Variants in DCST1 observed in about 807,000 individuals in gnomAD.
DCST1 encodes the protein E3 ubiquitin-protein ligase DCST1.
DCST1 carries 78 observed loss-of-function variants against 89.1 expected under a neutral mutation model. The ratio of observed to expected loss-of-function variants is 0.88; its 90% confidence interval spans 0.73 to 1.06. The LOEUF is 1.06. Among genes scored for constraint, DCST1 ranks in the 50% least tolerant of loss-of-function variants. The pLI is 0.00. For missense variants in DCST1, 900 were observed against 928.6 expected (o/e 0.97, Z 0.40); for synonymous variants, 364 against 371.9 (o/e 0.98, Z 0.24).
At position 155,041,743 on chromosome 1, in the gene DCST1, C is replaced by T. The variant is rs1298065970; in HGVS notation, c.778C>T (p.Arg260Cys). Reference sequence around the variant, plus strand: ...GGTGAACCAGGCCATACTCAGCTGCCGTCGTTGGTTTGACCGCAAGCATGA... The same window carrying T: ...GGTGAACCAGGCCATACTCAGCTGCTGTCGTTGGTTTGACCGCAAGCATGA... ...YVVNQAILSCRRWFDRKHEQC... is the reference protein window; with the variant it reads ...YVVNQAILSCCRWFDRKHEQC... Residue 260 changes from arginine (R) to cysteine (C), a missense_variant, in exon 8 of 17, where the codon CGT becomes TGT. Arg to Cys is a radical substitution (Grantham distance 180). Coordinates refer to ENST00000295542, the MANE Select transcript of DCST1 (RefSeq NM_152494.4). 6 of 1,614,106 alleles carry T rather than the reference C, an allele frequency of 3.7e-6. No homozygotes were observed. Among genetic ancestry groups the T allele is most frequent in the African/African-American group, 1.3e-5 (1 of 74,920 alleles).
At chr1:155,034,832 A>T in intron 4 of DCST1, 105 bp downstream of exon 4, 1 of 1,230,016 alleles carries the variant, frequency 8.1e-7, no homozygotes. Flanking sequence ...GTACCCATAC[A>T]TCCCCTGTGG....
At position 155,046,205 on chromosome 1, in the gene DCST1, A is replaced by G; in HGVS notation, c.1353A>G (p.Ser451=). Reference sequence around the variant, plus strand: ...CTTGCAAGCCCACCATCCAGGCCTCAGAAATGAGCAATGTGGTGAGGACAG... The same window carrying G: ...CTTGCAAGCCCACCATCCAGGCCTCGGAAATGAGCAATGTGGTGAGGACAG... ...IFPCKPTIQA[S]EMSNVVRELL... Residue 451 remains serine, a synonymous_variant, in exon 12 of 17, where the codon TCA becomes TCG. Transcript: ENST00000295542. The G allele has an allele frequency of 6.2e-7, 1 of 1,614,258 alleles. No individual in the cohort carries two copies. The highest frequency in any genetic ancestry group is 8.5e-7 in the Non-Finnish European group (1 of 1,180,048).
chr1:155,047,047 G>T, intron 13 of DCST1, 149 bp from the exon 14 acceptor site: 1 of 737,256 alleles, frequency 1.4e-6, no homozygotes, highest in East Asian at 2.6e-5. Context: ...ACTGGGAGCA[G>T]GGAGGGGTTA....
At chr1:155,036,311 T>C (rs1473932064) in intron 4 of DCST1, among the ~76,000 whole-genome samples, 3 of 152,222 alleles carry the variant, frequency 2.0e-5, no homozygotes, top group Non-Finnish European at 4.4e-5. Flanking sequence ...AAACATGTTT[T>C]TTCCCATTGA....
chr1:155,034,761 C>T (rs371187838), intron 4 of DCST1, 34 bp downstream of exon 4: 21 of 1,611,264 alleles, frequency 1.3e-5, no homozygotes, highest in African/African-American at 4.0e-5. Flanking sequence ...AACACTCAAG[C>T]GGCCTGTGGA....
Position 155,041,427 on chromosome 1 carries a change from C to T in DCST1, c.562C>T (p.Arg188Trp), listed in dbSNP as rs142945325. The T allele has an allele frequency of 1.7e-4, 282 of 1,613,716 alleles. No homozygotes were observed. Among genetic ancestry groups the T allele is most frequent in the Admixed American group, 3.5e-4 (21 of 60,008 alleles). The change falls in exon 7 of 17, where the codon CGG becomes TGG. Residue 188 changes from arginine (R) to tryptophan (W), a missense_variant. Transcript: ENST00000295542. ...CAAAGAATTGCTGAGAGCAGAGACT[C>T]GGAACATCTCCGCCACTTTTGAGGA... ...SSKELLRAET[R>W]NISATFEDLD... is the part of the protein sequence containing the mutation.
At position 155,043,732 on chromosome 1, in the gene DCST1, C is replaced by A. The variant is rs556265732; in HGVS notation, c.1172+223C>A. 3.5e-4 allele frequency among the ~76,000 whole-genome samples: 54 copies of A among 152,340 alleles called. 1 individual carries two copies. In the South Asian group the frequency reaches 6.8e-3, roughly 19 times the overall value. On this transcript the variant is annotated intron_variant, in intron 10 of 16. Coordinates refer to ENST00000295542, the MANE Select transcript of DCST1 (RefSeq NM_152494.4). ...CCTTAAAAGGCCAACCGTCTTCATT[C>A]ATCCACCTCCTTCCAGCCTTTATCC...
chr1:155,034,616 C>G lies in DCST1; in HGVS notation c.188-37C>G, dbSNP rs763901932. 4 of 1,614,040 alleles carry G rather than the reference C, an allele frequency of 2.5e-6. No individual in the cohort carries two copies. In the South Asian group the frequency reaches 4.4e-5, roughly 18 times the overall value. ...GCAGAGGCTGGACCAGGGCTAGGAC[C>G]CATCTTTTGGCCTTTGGCTTGACCT... On this transcript the variant is annotated intron_variant, in intron 3 of 16. Transcript: ENST00000295542.
chr1:155,039,768 G>T (rs1021806374), intron 5 of DCST1, among the ~76,000 whole-genome samples: 6 of 151,928 alleles, frequency 3.9e-5, no homozygotes, highest in African/African-American at 1.5e-4. Flanking sequence ...GGAGGCTGAG[G>T]TGGGTGGATC....
At chr1:155,047,363 G>A (rs1282308164) in intron 14 of DCST1, 51 bp downstream of exon 14, 5 of 1,514,628 alleles carry the variant, frequency 3.3e-6, no homozygotes, top group Non-Finnish European at 4.5e-6. Flanking sequence ...GGTGGGGCAA[G>A]GGTCAAAAGA....
chr1:155,037,684 G>A (rs1263076868), intron 4 of DCST1, among the ~76,000 whole-genome samples: 1 of 152,198 alleles, frequency 6.6e-6, no homozygotes, highest in Non-Finnish European at 1.5e-5. Flanking sequence ...TGATCCACCC[G>A]CCTTGGCCTC....
chr1:155,034,442 G>A lies in DCST1; in HGVS notation c.69G>A (p.Gln23=). ...QRRKQPHTTV[Q]RLLTWGLPVS... ...ACCCTGTCCCCCTCTTAGCGGTGCAGAGGCTCCTGACCTGGGGGCTGCCAG... is the reference window on the plus strand; with the variant it reads ...ACCCTGTCCCCCTCTTAGCGGTGCAAAGGCTCCTGACCTGGGGGCTGCCAG... Residue 23 remains glutamine, a synonymous_variant, in exon 3 of 17, where the codon CAG becomes CAA. Transcript: ENST00000295542. 1 of 1,614,060 alleles carries A rather than the reference G, an allele frequency of 6.2e-7. No individual in the cohort carries two copies. Among genetic ancestry groups the A allele is most frequent in the Non-Finnish European group, 8.5e-7 (1 of 1,180,036 alleles).
At position 155,041,620 on chromosome 1, in the gene DCST1, G is replaced by C. The variant is rs1660443269; in HGVS notation, c.748+7G>C. 1 of 1,614,014 alleles carries C rather than the reference G, an allele frequency of 6.2e-7. No individual in the cohort carries two copies. The highest frequency in any genetic ancestry group is 8.5e-7 in the Non-Finnish European group (1 of 1,180,012). Reference sequence around the variant, plus strand: ...ACCAAGCTGCGTTGCTCCTGTGAGGGGTATCCCTGGGGAGTGGAGGGTGGG... The same window carrying C: ...ACCAAGCTGCGTTGCTCCTGTGAGGCGTATCCCTGGGGAGTGGAGGGTGGG... On this transcript the variant is annotated splice_region_variant and intron_variant, in intron 7 of 16. Transcript: ENST00000295542.
chr1:155,043,657 A>G, intron 10 of DCST1, 148 bp downstream of exon 10: 8 of 1,148,036 alleles, frequency 7.0e-6, no homozygotes, highest in Non-Finnish European at 9.3e-6. Context: ...ACACAAAGTT[A>G]AAGGAAAAGT....
At chr1:155,045,517 G>C in intron 10 of DCST1, 1 of 248,246 alleles carries the variant, frequency 4.0e-6, no homozygotes, top group Non-Finnish European at 8.0e-6. Flanking sequence ...GAAACCTCAA[G>C]GAGTTTCCCC....
In DCST1 at chr1:155,047,302, AAAC is replaced by A; in HGVS notation, c.1607_1609del (p.Asn536del). 4 of 1,613,250 alleles carry A rather than the reference AAAC, an allele frequency of 2.5e-6. No individual in the cohort carries two copies. In the South Asian group the frequency reaches 3.3e-5, roughly 13 times the overall value. ...CCTCCTCAGAGACAGTGATGGAATC[AAAC>A]AACATGCGTGAGTGATGCTGAAAGT... On this transcript the variant is annotated inframe_deletion, in exon 14 of 17. Coordinates refer to ENST00000295542, the MANE Select transcript of DCST1 (RefSeq NM_152494.4).
At chr1:155,035,823 G>C (rs1395514702) in intron 4 of DCST1, among the ~76,000 whole-genome samples, 1 of 151,974 alleles carries the variant, frequency 6.6e-6, no homozygotes, top group Non-Finnish European at 1.5e-5. Flanking sequence ...CCAGCTTCTT[G>C]GGAGGCTGAG....
At chr1:155,042,966 C>A in intron 9 of DCST1, 110 bp downstream of exon 9, 3 of 1,429,662 alleles carry the variant, frequency 2.1e-6, no homozygotes, top group Non-Finnish European at 2.8e-6. Flanking sequence ...AAGAGGTGAC[C>A]AGGGGTGAGG....
intron 6 of DCST1, 135 bp downstream of exon 6, chr1:155,040,759 A>C (rs1660417020): frequency 7.4e-7 from 1 of 1,343,782 alleles, no homozygotes; most frequent in African/African-American, 1.5e-5. Flanking sequence ...AACTATTCCC[A>C]AACATTGCAG....
Sources: allele counts gnomAD v4.1 joint callset (sites outside exome capture counted in the v4.1 genomes callset), GRCh38; gene constraint gnomAD v4.1.1; transcripts MANE v1.5; gene names NCBI Gene and HGNC (gene_info 2026-07-23, HGNC 2026-07-21).